Variants in CERS6 observed in about 807,000 individuals in gnomAD.
CERS6 encodes the protein LAG1 homolog, ceramide synthase 6.
A neutral mutation model predicts 56.8 loss-of-function variants in CERS6; 26 were observed. The ratio of observed to expected loss-of-function variants is 0.46; its 90% CI spans 0.34 to 0.63. CERS6 has a LOEUF of 0.63. Among genes scored for constraint, CERS6 ranks in the 30% least tolerant of loss-of-function variants. The pLI, the probability that CERS6 is intolerant of heterozygous loss-of-function variation, is 0.01. For missense variants in CERS6, 415 were observed against 467.5 expected (o/e 0.89, Z 1.04); for synonymous variants, 164 against 173.3 (o/e 0.95, Z 0.42).
intron 6 of CERS6, among the ~76,000 whole-genome samples, chr2:168,699,562 G>C (rs866514121): frequency 6.6e-6 from 1 of 152,026 alleles, no homozygotes; most frequent in Non-Finnish European, 1.5e-5. Context: ...TTTCTAAAAT[G>C]GTTTTGTATT....
At chr2:168,490,833 A>G (rs12052554) in intron 1 of CERS6, among the ~76,000 whole-genome samples, 11,743 of 152,214 alleles carry the variant, frequency 0.077, 497 homozygotes, top group East Asian at 0.18. Context: ...GAGAGAATAT[A>G]TGATGATAGT....
chr2:168,578,972 A>T (rs1683343874), intron 3 of CERS6, among the ~76,000 whole-genome samples: 1 of 152,146 alleles, frequency 6.6e-6, no homozygotes, highest in Admixed American at 6.5e-5. Context: ...TTTAATCTGA[A>T]CAAGAACAAA....
intron 1 of CERS6, among the ~76,000 whole-genome samples, chr2:168,528,231 T>C (rs1227007958): frequency 1.3e-5 from 2 of 152,200 alleles, no homozygotes; most frequent in Non-Finnish European, 2.9e-5. Context: ...CTAAAAATTA[T>C]TTCATCAGCA....
At chr2:168,527,700 C>A (rs1695094806) in intron 1 of CERS6, among the ~76,000 whole-genome samples, 1 of 152,032 alleles carries the variant, frequency 6.6e-6, no homozygotes, top group South Asian at 2.1e-4. Flanking sequence ...AGGGAGTGAA[C>A]TCATTTCCTT....
At chr2:168,497,177 A>G (rs905352202) in intron 1 of CERS6, among the ~76,000 whole-genome samples, 6 of 152,180 alleles carry the variant, frequency 3.9e-5, no homozygotes, top group Non-Finnish European at 7.3e-5. Context: ...AGTGTGGTAG[A>G]CAGAAGGGAT....
intron 1 of CERS6, among the ~76,000 whole-genome samples, chr2:168,495,137 T>C (rs1370500008): frequency 6.6e-6 from 1 of 152,212 alleles, no homozygotes; most frequent in East Asian, 1.9e-4. Flanking sequence ...TGGGAACATA[T>C]TAACCAAGAA....
chr2:168,597,000 C>T (rs947702681), intron 3 of CERS6, among the ~76,000 whole-genome samples: 5 of 152,154 alleles, frequency 3.3e-5, no homozygotes, highest in Admixed American at 1.3e-4. Context: ...GTGTTCATGG[C>T]GTCTTTCCTG....
intron 3 of CERS6, among the ~76,000 whole-genome samples, chr2:168,592,045 G>T (rs1368407800): frequency 1.3e-5 from 2 of 152,266 alleles, no homozygotes; most frequent in African/African-American, 4.8e-5. Context: ...TCAAAGAATT[G>T]CATATAAGAC....
At chr2:168,718,457 C>G (rs928041066) in intron 8 of CERS6, among the ~76,000 whole-genome samples, 5 of 152,264 alleles carry the variant, frequency 3.3e-5, no homozygotes, top group Non-Finnish European at 7.4e-5. Context: ...GATATAAGTC[C>G]TGGCAATGTG....
At chr2:168,526,259 T>C (rs1695069144) in intron 1 of CERS6, among the ~76,000 whole-genome samples, 1 of 152,244 alleles carries the variant, frequency 6.6e-6, no homozygotes, top group Non-Finnish European at 1.5e-5. Context: ...CTTTGTTAGC[T>C]TCAAAGTTTG....
At chr2:168,576,695 T>G (rs1243840120) in intron 3 of CERS6, among the ~76,000 whole-genome samples, 1 of 152,338 alleles carries the variant, frequency 6.6e-6, no homozygotes, top group East Asian at 1.9e-4. Context: ...CTTGCTCTGA[T>G]GTTTTTTCTG....
chr2:168,709,176 A>G (rs76961363), intron 6 of CERS6, among the ~76,000 whole-genome samples: 4,105 of 152,204 alleles, frequency 0.027, 180 homozygotes, highest in African/African-American at 0.092. Context: ...TTTTCATTCT[A>G]ACAGTTGGGG....
At chr2:168,464,178 G>GTGTGTGTA (rs1553482286) in intron 1 of CERS6, among the ~76,000 whole-genome samples, 1 of 127,426 alleles carries the variant, frequency 7.8e-6, no homozygotes, top group African/African-American at 3.5e-5. Flanking sequence ...TACTTTTTGT[G>GTGTGTGTA]TGTGTGTGTG....
At chr2:168,668,844 G>A (rs1362965892) in intron 4 of CERS6, among the ~76,000 whole-genome samples, 1 of 152,098 alleles carries the variant, frequency 6.6e-6, no homozygotes, top group Non-Finnish European at 1.5e-5. Flanking sequence ...TTACTTTATT[G>A]CTTCAGCATA....
At chr2:168,471,038 G>A (rs1465923078) in intron 1 of CERS6, among the ~76,000 whole-genome samples, 1 of 152,088 alleles carries the variant, frequency 6.6e-6, no homozygotes, top group Non-Finnish European at 1.5e-5. Flanking sequence ...TGATGTCCCT[G>A]CCCCAGGCTG....
At chr2:168,550,397 TGA>T (rs1695544925) in intron 2 of CERS6, among the ~76,000 whole-genome samples, 1 of 152,154 alleles carries the variant, frequency 6.6e-6, no homozygotes, top group Non-Finnish European at 1.5e-5. Flanking sequence ...AGGCTGGTCT[TGA>T]ACTCCGGGCT....
At chr2:168,642,673 A>T (rs565759178) in intron 4 of CERS6, among the ~76,000 whole-genome samples, 1 of 152,326 alleles carries the variant, frequency 6.6e-6, no homozygotes, top group South Asian at 2.1e-4. Context: ...TGGTAGTATA[A>T]TGAAAGTTGC....
chr2:168,571,159 G>C (rs1188704915), intron 3 of CERS6, among the ~76,000 whole-genome samples: 2 of 152,036 alleles, frequency 1.3e-5, no homozygotes, highest in African/African-American at 4.8e-5. Context: ...AATCCCGTCT[G>C]GCTTGCCCTC....
At chr2:168,745,894 G>A (rs977496981) in intron 8 of CERS6, among the ~76,000 whole-genome samples, 5 of 152,156 alleles carry the variant, frequency 3.3e-5, no homozygotes, top group Non-Finnish European at 7.3e-5. Flanking sequence ...CTCACCTGTG[G>A]GGATGCCACA....
Sources: gnomAD v4.1 joint callset for allele counts (sites outside exome capture counted in the v4.1 genomes callset) on GRCh38, gnomAD v4.1.1 for gene constraint, MANE v1.5 for transcripts, NCBI Gene and HGNC (gene_info 2026-07-23, HGNC 2026-07-21) for gene names.